IGSF3: variants seen among roughly 807,000 people sequenced by gnomAD.
IGSF3 encodes immunoglobulin superfamily member 3.
In IGSF3, 23 loss-of-function variants were observed where a neutral mutation model predicts 114.4. The ratio of observed to expected loss-of-function variants is 0.20; its 90% CI spans 0.14 to 0.28. The LOEUF (loss-of-function observed/expected upper bound fraction) is 0.28, where lower values mean the gene tolerates loss of function less well. Ranked by LOEUF, IGSF3 falls within the 10% of genes least tolerant of loss-of-function variation. IGSF3 has a pLI of 1.00. For synonymous variants in IGSF3, 571 were observed against 645.2 expected (o/e 0.88, Z 1.74); for missense variants, 1,172 against 1,591.5 (o/e 0.74, Z 4.48).
rs1187138280 is a variant in IGSF3, at chr1:116,629,332, A to G, written c.44-12875T>C. ...ATATGTGTGGAAAAAGGACTGGGCT[A>G]GTATATTTAAAAAACGCTAAAGGGA... On this transcript the variant is annotated intron_variant, in intron 2 of 10. Transcript: ENST00000369486. The surrounding 1 kb of genome is among the most constrained non-coding windows in gnomAD (Gnocchi z 4.3). Among the ~76,000 whole-genome samples the G allele has an allele frequency of 6.6e-6, 1 of 152,276 alleles. No homozygotes were observed. Among genetic ancestry groups the G allele is most frequent in the East Asian group, 1.9e-4 (1 of 5,206 alleles).
At position 116,615,008 on chromosome 1, in the gene IGSF3, C is replaced by T. The variant is rs1278216115; in HGVS notation, c.422-833G>A. On this transcript the variant is annotated intron_variant, in intron 3 of 10. Transcript: ENST00000369486. This position sits in a 1 kb window ranked among gnomAD's most constrained non-coding sequence, Gnocchi z 4.3. ...TGCTGGGAACGGCCAAGTGCGGTGG[C>T]TCACACCTATAATCCCAACACTTTG... Among the ~76,000 whole-genome samples the T allele has an allele frequency of 1.3e-5, 2 of 151,806 alleles. No homozygotes were observed. The highest frequency in any genetic ancestry group is 4.8e-5 in the African/African-American group (2 of 41,250).
chr1:116,630,951 T>C lies in IGSF3; in HGVS notation c.44-14494A>G, dbSNP rs576638304. ...TGACATTGATGGGTGGTAGGGTCCATGAAAGTAGAGGAAGACCAAGAGGAA... is the reference window on the plus strand; with the variant it reads ...TGACATTGATGGGTGGTAGGGTCCACGAAAGTAGAGGAAGACCAAGAGGAA... On this transcript the variant is annotated intron_variant, in intron 2 of 10. Coordinates refer to ENST00000369486, the MANE Select transcript of IGSF3 (RefSeq NM_001007237.3). Among the ~76,000 whole-genome samples the C allele has an allele frequency of 3.3e-5, 5 of 151,974 alleles. No individual in the cohort carries two copies. In the East Asian group the frequency reaches 7.7e-4, roughly 24 times the overall value.
Position 116,580,762 on chromosome 1 carries a change from C to G in IGSF3, c.2849-885G>C, listed in dbSNP as rs116449215. Reference sequence around the variant, plus strand: ...ATGGCAACTGAGCAGACTAAGATAACTAGTGTCCTTATGAGCACAGGAGAG... The same window carrying G: ...ATGGCAACTGAGCAGACTAAGATAAGTAGTGTCCTTATGAGCACAGGAGAG... On this transcript the variant is annotated intron_variant, in intron 9 of 10. Transcript: ENST00000369486. 8.7e-3 allele frequency among the ~76,000 whole-genome samples: 1,332 copies of G among 152,320 alleles called. 19 individuals are homozygous for G. The highest frequency in any genetic ancestry group is 0.03 in the African/African-American group (1,258 of 41,574).
rs552676749 is a variant in IGSF3 at position 116,606,517 on chromosome 1, G to A, written c.1222+1425C>T. On this transcript the variant is annotated intron_variant, in intron 5 of 10. Transcript: ENST00000369486. ...CCAAGTGGCCTTGGGACAGGAGCTG[G>A]TGGTGCTGGGGGACTTTAACTACCC... 6.2e-5 allele frequency: 84 copies of A among 1,355,198 alleles called. No individual in the cohort carries two copies. In the South Asian group the frequency reaches 9.4e-4, roughly 15 times the overall value. The allele number at this position is 1,355,198 out of a possible 1,614,324, so 83.9% of individuals were successfully genotyped here. A position where few individuals can be genotyped will look rare whatever the true frequency, so the allele number is the denominator to read the frequency against.
intron 2 of IGSF3, among the ~76,000 whole-genome samples, chr1:116,658,174 C>T (rs977014583): frequency 6.6e-6 from 1 of 151,976 alleles, no homozygotes; most frequent in Non-Finnish European, 1.5e-5. Flanking sequence ...CCCAAGTAGC[C>T]AGGATTACAG....
At chr1:116,626,283 T>C (rs890110037) in intron 2 of IGSF3, among the ~76,000 whole-genome samples, 2 of 152,178 alleles carry the variant, frequency 1.3e-5, no homozygotes, top group African/African-American at 2.4e-5. Context: ...TCCAGATATA[T>C]GTAACCACTG....
Position 116,647,100 on chromosome 1 carries a change from T to C in IGSF3, c.43+19184A>G, listed in dbSNP as rs1648413205. On this transcript the variant is annotated intron_variant, in intron 2 of 10. Coordinates refer to ENST00000369486, the MANE Select transcript of IGSF3 (RefSeq NM_001007237.3). The surrounding 1 kb of genome is among the most constrained non-coding windows in gnomAD (Gnocchi z 4.6). ...AGATGGAGAGGGCAGCAATAAAAAC[T>C]GGGGGACACTTAGAGGCAAAGGTAT... is the stretch of plus-strand genomic sequence containing the variant. 6.6e-6 allele frequency among the ~76,000 whole-genome samples: 1 copy of C among 152,040 alleles called. No individual in the cohort carries two copies. The highest frequency in any genetic ancestry group is 2.1e-4 in the South Asian group (1 of 4,820).
chr1:116,612,294 G>C lies in IGSF3; in HGVS notation c.832+1471C>G, dbSNP rs1395090385. Among the ~76,000 whole-genome samples, 1 of 152,108 alleles carries C rather than the reference G, an allele frequency of 6.6e-6. No homozygotes were observed. Among genetic ancestry groups the C allele is most frequent in the Non-Finnish European group, 1.5e-5 (1 of 68,026 alleles). ...TCCAGAAGCTGCTAAATGTCCTACAGAGCAGATAAAGTGCTCCCTATCCCT... is the reference window on the plus strand; with the variant it reads ...TCCAGAAGCTGCTAAATGTCCTACACAGCAGATAAAGTGCTCCCTATCCCT... On this transcript the variant is annotated intron_variant, in intron 4 of 10. Coordinates refer to ENST00000369486, the MANE Select transcript of IGSF3 (RefSeq NM_001007237.3). The surrounding 1 kb of genome is among the most constrained non-coding windows in gnomAD (Gnocchi z 4.1).
rs1660508126 is a variant in IGSF3, at chr1:116,600,051, G to A, written c.1919C>T (p.Ala640Val). ...LSISRASDTEAGKYQCVAELW... is the reference protein window; with the variant it reads ...LSISRASDTEVGKYQCVAELW... ...CTCTGCCACACACTGGTACTTGCCTGCTTCCGTGTCACTGGCTCGGCTGAT... is the reference window on the plus strand; with the variant it reads ...CTCTGCCACACACTGGTACTTGCCTACTTCCGTGTCACTGGCTCGGCTGAT... The change falls in exon 7 of 11, where the codon GCA becomes GTA. Residue 640 changes from alanine to valine, a missense_variant. By Grantham distance (64) the Ala-to-Val change is moderately conservative. Around this residue, in one of 3 missense-constraint regions of IGSF3, gnomAD observed 736 missense variants for 1,042.0 expected, o/e 0.71. Coordinates refer to ENST00000369486, the MANE Select transcript of IGSF3 (RefSeq NM_001007237.3). This position sits in a 1 kb window ranked among gnomAD's most constrained non-coding sequence, Gnocchi z 5.5. The A allele has an allele frequency of 6.2e-7, 1 of 1,614,094 alleles. No homozygotes were observed. Among genetic ancestry groups the A allele is most frequent in the Non-Finnish European group, 8.5e-7 (1 of 1,180,058 alleles).
Position 116,634,738 on chromosome 1 carries a change from G to C in IGSF3, c.44-18281C>G, listed in dbSNP as rs1647743053. ...GGCAGAACCTGTGTTTCCTCTCCCT[G>C]AATCTAGGTGGGCTACAGCTCTGGT... is the stretch of plus-strand genomic sequence containing the variant. On this transcript the variant is annotated intron_variant, in intron 2 of 10. Transcript: ENST00000369486. The surrounding 1 kb of genome is among the most constrained non-coding windows in gnomAD (Gnocchi z 4.2). Among the ~76,000 whole-genome samples, 1 of 152,098 alleles carries C rather than the reference G, an allele frequency of 6.6e-6. No individual in the cohort carries two copies.
rs1661187534 is a variant in IGSF3, at chr1:116,615,644, GGAC to G, written c.421+433_421+435del. 6.6e-6 allele frequency among the ~76,000 whole-genome samples: 1 copy of G among 151,812 alleles called. No individual in the cohort carries two copies. The highest frequency in any genetic ancestry group is 2.4e-5 in the African/African-American group (1 of 41,338). On this transcript the variant is annotated intron_variant, in intron 3 of 10. Transcript: ENST00000369486. The surrounding 1 kb of genome is among the most constrained non-coding windows in gnomAD (Gnocchi z 4.3). ...CCTTCAATGTACAAGGTCTGAGCAA[GGAC>G]CCACAGCCACATGTGCTTCCTGCTT... is the stretch of plus-strand genomic sequence containing the variant.
At chr1:116,581,914 A>T (rs1659617845) in intron 9 of IGSF3, among the ~76,000 whole-genome samples, 1 of 152,146 alleles carries the variant, frequency 6.6e-6, no homozygotes, top group East Asian at 1.9e-4. Context: ...TAGTATCCCC[A>T]CGCTCCTGGT....
Position 116,600,177 on chromosome 1 carries a change from A to T in IGSF3, c.1793T>A (p.Phe598Tyr). ...CCACTGGACCCCTCCGTCCCGGGTG[A>T]AGGTCACCAAGTCATGGAACTCCAC... ...GTVEFHDLVT[F>Y]TRDGGVQWGD... The change falls in exon 7 of 11, where the codon TTC (phenylalanine) becomes TAC (tyrosine). Residue 598 changes from phenylalanine (F) to tyrosine (Y), a missense_variant. Phe to Tyr is a conservative substitution (Grantham distance 22). Coordinates refer to ENST00000369486, the MANE Select transcript of IGSF3 (RefSeq NM_001007237.3). This position sits in a 1 kb window ranked among gnomAD's most constrained non-coding sequence, Gnocchi z 5.5. 6.2e-7 allele frequency: 1 copy of T among 1,614,090 alleles called. No homozygotes were observed. The highest frequency in any genetic ancestry group is 1.7e-5 in the Admixed American group (1 of 60,024).
Position 116,615,211 on chromosome 1 carries a change from T to C in IGSF3, c.421+869A>G, listed in dbSNP as rs1231910315. On this transcript the variant is annotated intron_variant, in intron 3 of 10. Coordinates refer to ENST00000369486, the MANE Select transcript of IGSF3 (RefSeq NM_001007237.3). The surrounding 1 kb of genome is among the most constrained non-coding windows in gnomAD (Gnocchi z 4.3). Reference sequence around the variant, plus strand: ...ATTGCTTGAACCCGGGAGGTGGAGGTTGCAGTGAGCCAAGATCGCACCATT... The same window carrying C: ...ATTGCTTGAACCCGGGAGGTGGAGGCTGCAGTGAGCCAAGATCGCACCATT... 6.6e-6 allele frequency among the ~76,000 whole-genome samples: 1 copy of C among 150,958 alleles called. No individual in the cohort carries two copies.
rs548797182 is a variant in IGSF3, at chr1:116,644,703, G to A, written c.43+21581C>T. ...GTGGCGATCAGCCATCAGAGGAGGC[G>A]GCCCTGTGTGATGAAAGGACCTCCT... On this transcript the variant is annotated intron_variant, in intron 2 of 10. Coordinates refer to ENST00000369486, the MANE Select transcript of IGSF3 (RefSeq NM_001007237.3). The surrounding 1 kb of genome is among the most constrained non-coding windows in gnomAD (Gnocchi z 5.6). 6.6e-5 allele frequency among the ~76,000 whole-genome samples: 10 copies of A among 152,274 alleles called. No homozygotes were observed. Among genetic ancestry groups the A allele is most frequent in the East Asian group, 1.9e-4 (1 of 5,190 alleles).
rs768863416 is a variant in IGSF3, at chr1:116,579,680, C to G, written c.3046G>C (p.Glu1016Gln). The G allele has an allele frequency of 1.2e-6, 2 of 1,613,548 alleles. No individual in the cohort carries two copies. The highest frequency in any genetic ancestry group is 3.3e-5 in the Admixed American group (2 of 59,954). ...LEEQEEEREE[E>Q]EEEDDDDDDD... ...TCGTCGTCGTCGTCCTCCTCCTCCT[C>G]CTCCTCCCTTTCCTCTTCCTGTTCT... is the stretch of plus-strand genomic sequence containing the variant. The change falls in exon 10 of 11, where the codon GAG becomes CAG. Residue 1016 changes from glutamate (E) to glutamine (Q), a missense_variant. Glu to Gln is a conservative substitution (Grantham distance 29). Transcript: ENST00000369486. This position sits in a 1 kb window ranked among gnomAD's most constrained non-coding sequence, Gnocchi z 6.4.
intron 2 of IGSF3, among the ~76,000 whole-genome samples, chr1:116,640,844 T>C (rs1648058233): frequency 6.6e-6 from 1 of 152,266 alleles, no homozygotes; most frequent in Admixed American, 6.5e-5. Context: ...AGATCAATGT[T>C]TAAGTGTTTC....
In IGSF3 at chr1:116,584,775, C is replaced by A; in HGVS notation, c.2718G>T (p.Gln906His). 1 of 1,614,246 alleles carries A rather than the reference C, an allele frequency of 6.2e-7. No individual in the cohort carries two copies. Among genetic ancestry groups the A allele is most frequent in the South Asian group, 1.1e-5 (1 of 91,086 alleles). Reference protein sequence around the residue: ...PSPGVYRLFIQNVAVQDSGTY... With the variant: ...PSPGVYRLFIHNVAVQDSGTY... Reference sequence around the variant, plus strand: ...TCCCGCTGTCCTGCACAGCCACGTTCTGGATGAAGAGACGGTACACGCCGG... The same window carrying A: ...TCCCGCTGTCCTGCACAGCCACGTTATGGATGAAGAGACGGTACACGCCGG... The change falls in exon 9 of 11, where the codon CAG (glutamine) becomes CAT (histidine). Residue 906 changes from glutamine (Q) to histidine (H), a missense_variant. Physicochemically the swap from Gln to His is conservative, Grantham distance 24. This residue lies in a region of IGSF3 where 423 missense variants were observed against 509.8 expected (regional missense o/e 0.83). Transcript: ENST00000369486. This position sits in a 1 kb window ranked among gnomAD's most constrained non-coding sequence, Gnocchi z 5.8.
rs749216309 is a variant in IGSF3, at chr1:116,584,789, G to A, written c.2704C>T (p.Arg902Cys). Residue 902 changes from arginine to cysteine, a missense_variant, in exon 9 of 11, where the codon CGT becomes TGT. Arg to Cys is a radical substitution (Grantham distance 180). Coordinates refer to ENST00000369486, the MANE Select transcript of IGSF3 (RefSeq NM_001007237.3). The surrounding 1 kb of genome is among the most constrained non-coding windows in gnomAD (Gnocchi z 5.8). ...HLESPSPGVYRLFIQNVAVQD... is the reference protein window; with the variant it reads ...HLESPSPGVYCLFIQNVAVQD... The stretch of plus-strand genomic sequence containing the variant: ...ACAGCCACGTTCTGGATGAAGAGAC[G>A]GTACACGCCGGGGGAAGGACTCTCC... The A allele has an allele frequency of 8.7e-6, 14 of 1,614,118 alleles. No homozygotes were observed. Among genetic ancestry groups the A allele is most frequent in the South Asian group, 3.3e-5 (3 of 91,096 alleles).
Sources: gnomAD v4.1 joint callset for allele counts (sites outside exome capture counted in the v4.1 genomes callset) on GRCh38, gnomAD v4.1.1 for gene constraint, gnomAD v4.1.1 regional missense constraint, Gnocchi (gnomAD v3.1) non-coding constraint, MANE v1.5 for transcripts, NCBI Gene and HGNC (gene_info 2026-07-23, HGNC 2026-07-21) for gene names.